PCNT: variants seen among roughly 807,000 people sequenced by gnomAD.
PCNT encodes pericentrin, also known as kendrin.
PCNT carries 319 observed loss-of-function variants against 380.4 expected under a neutral mutation model. The observed-to-expected ratio is 0.84, with a 90% CI of 0.77 to 0.92. PCNT has a LOEUF of 0.92. Among genes scored for constraint, PCNT ranks in the 40% least tolerant of loss-of-function variants. PCNT has a pLI of 0.00. For missense variants in PCNT, 4,400 were observed against 4,255.3 expected, an observed-to-expected ratio of 1.03 and a Z score of -0.95; for synonymous variants, 1,845 against 1,735.2, an observed-to-expected ratio of 1.06 and a Z score of -1.57.
In PCNT at chr21:46,425,328, A is replaced by C. The variant is rs8134832; in HGVS notation, c.7180-503A>C. Reference sequence around the variant, plus strand: ...ATGGTTTTCTCTGCTCCCCGTGCCCAGCACAGGCAGCTTCACCCCACGCTG... The same window carrying C: ...ATGGTTTTCTCTGCTCCCCGTGCCCCGCACAGGCAGCTTCACCCCACGCTG... On this transcript the variant is annotated intron_variant, in intron 32 of 46. Coordinates refer to ENST00000359568, the MANE Select transcript of PCNT (RefSeq NM_006031.6). The surrounding 1 kb of genome is among the most constrained non-coding windows in gnomAD (Gnocchi z 4.2). Among the ~76,000 whole-genome samples, 9 of 152,134 alleles carry C rather than the reference A, an allele frequency of 5.9e-5. No individual in the cohort carries two copies. The highest frequency in any genetic ancestry group is 2.2e-4 in the African/African-American group (9 of 41,406).
intron 27 of PCNT, among the ~76,000 whole-genome samples, chr21:46,403,406 C>T (rs1171172111): frequency 5.8e-5 from 8 of 138,796 alleles, no homozygotes; most frequent in African/African-American, 8.3e-5. Context: ...GCCCACGCGG[C>T]GCGTGATTGG....
At chr21:46,412,525 C>T (rs1453476305) in intron 28 of PCNT, among the ~76,000 whole-genome samples, 1 of 152,200 alleles carries the variant, frequency 6.6e-6, no homozygotes. Context: ...TGTATTTGAG[C>T]AGAACCTTGG....
chr21:46,330,177 G>A (rs984483753), intron 2 of PCNT, among the ~76,000 whole-genome samples: 1 of 152,046 alleles, frequency 6.6e-6, no homozygotes, highest in Non-Finnish European at 1.5e-5. Context: ...GAGTGCAGTG[G>A]CGCAATCATG....
Position 46,388,826 on chromosome 21 carries a change from C to G in PCNT, c.3549C>G (p.Ile1183Met). The G allele has an allele frequency of 6.2e-7, 1 of 1,612,644 alleles. No homozygotes were observed. The highest frequency in any genetic ancestry group is 8.5e-7 in the Non-Finnish European group (1 of 1,179,962). The change falls in exon 18 of 47, where the codon ATC becomes ATG. Residue 1183 changes from isoleucine to methionine, a missense_variant. Ile to Met is a conservative substitution (Grantham distance 10). Transcript: ENST00000359568. The surrounding 1 kb of genome is among the most constrained non-coding windows in gnomAD (Gnocchi z 4.2). ...CAGCCGTCACCCTGAGGAGCCGGATCGGGGAGCGCGTGGGGCTCTGCCTGG... is the reference window on the plus strand; with the variant it reads ...CAGCCGTCACCCTGAGGAGCCGGATGGGGGAGCGCGTGGGGCTCTGCCTGG... ...LRAAVTLRSR[I>M]GERVGLCLDD... is the part of the protein sequence containing the mutation.
intron 27 of PCNT, among the ~76,000 whole-genome samples, chr21:46,404,157 G>A (rs1412684809): frequency 6.6e-6 from 1 of 150,794 alleles, no homozygotes; most frequent in African/African-American, 2.4e-5. Context: ...TGGTGCCCAC[G>A]TGGCGCGTGC....
In PCNT at chr21:46,401,673, A is replaced by C. The variant is rs1254985284; in HGVS notation, c.4914A>C (p.Glu1638Asp). The C allele has an allele frequency of 1.9e-6, 3 of 1,613,966 alleles. No individual in the cohort carries two copies. The highest frequency in any genetic ancestry group is 2.5e-6 in the Non-Finnish European group (3 of 1,180,020). Residue 1638 changes from glutamate (E) to aspartate (D), a missense_variant, in exon 26 of 47, where the codon GAA (glutamate) becomes GAC (aspartate). Glu to Asp is a conservative substitution (Grantham distance 45). Coordinates refer to ENST00000359568, the MANE Select transcript of PCNT (RefSeq NM_006031.6). ...CGGGCAGCCCTCCTGAGGGTCCAGA[A>C]ATACAGTTAGAGGTGACACAGAGAG... ...PPSGSPPEGP[E>D]IQLEVTQRAL...
Position 46,431,754 on chromosome 21 carries a change from G to T in PCNT, c.8290G>T (p.Glu2764Ter). 1 of 1,612,528 alleles carries T rather than the reference G, an allele frequency of 6.2e-7. No homozygotes were observed. ...GGAGCTGTCAGAGGCCTTGCGGCAC[G>T]AGCGGCTCCTGACCGAGCAGCTGAG... ...TLELSEALRHERLLTEQLSQR... is the reference protein window; with the variant it reads ...TLELSEALRH The change falls in exon 38 of 47, where the codon GAG becomes TAG. Residue 2764 changes from glutamate (E) to a stop codon, truncating the protein, a stop_gained. Transcript: ENST00000359568. LOFTEE classifies it high-confidence loss of function.
In PCNT at chr21:46,444,812, G is replaced by T. The variant is rs771222189; in HGVS notation, c.9958G>T (p.Val3320Leu). The change falls in exon 46 of 47, where the codon GTA (valine) becomes TTA (leucine). Residue 3320 changes from valine to leucine, a missense_variant. Physicochemically the swap from Val to Leu is conservative, Grantham distance 32. Transcript: ENST00000359568. Reference sequence around the variant, plus strand: ...AGTGATCCAGCAAAGATTGGGAGGGGTACTACCAGGTAATGCAAGTCCTCG... The same window carrying T: ...AGTGATCCAGCAAAGATTGGGAGGGTTACTACCAGGTAATGCAAGTCCTCG... The part of the protein sequence containing the change: ...LEVIQQRLGG[V>L]LPDSTSKKSC... 12 of 1,613,132 alleles carry T rather than the reference G, an allele frequency of 7.4e-6. No homozygotes were observed. Among genetic ancestry groups the T allele is most frequent in the Non-Finnish European group, 1.7e-6 (2 of 1,179,216 alleles).
intron 15 of PCNT, among the ~76,000 whole-genome samples, chr21:46,368,029 C>T (rs2084988048): frequency 6.6e-6 from 1 of 152,098 alleles, no homozygotes; most frequent in Non-Finnish European, 1.5e-5. Flanking sequence ...GGGGCACGCA[C>T]CTGTAGTCTC....
chr21:46,326,057 TTAAGC>T (rs1269033088), intron 1 of PCNT, among the ~76,000 whole-genome samples: 1 of 152,210 alleles, frequency 6.6e-6, no homozygotes, highest in Non-Finnish European at 1.5e-5. Context: ...TATGCCTTGA[TTAAGC>T]TATCAATCTT....
In PCNT at chr21:46,351,496, G is replaced by A; in HGVS notation, c.1412G>A (p.Trp471Ter). 6.2e-7 allele frequency: 1 copy of A among 1,613,056 alleles called. No individual in the cohort carries two copies. Among genetic ancestry groups the A allele is most frequent in the Non-Finnish European group, 8.5e-7 (1 of 1,179,016 alleles). ...TCACAAGAAGAGATCAGGCGCTTGT[G>A]GTCCCAGCTTGATTCTGCCAGGACC... ...AQSQEEIRRL[W>*]SQLDSARTSR... The change falls in exon 9 of 47, where the codon TGG (tryptophan) becomes TAG (stop). Residue 471 changes from tryptophan (W) to a stop codon, truncating the protein, a stop_gained. Transcript: ENST00000359568. LOFTEE classifies it high-confidence loss of function.
intron 31 of PCNT, 88 bp from the exon 32 acceptor site, chr21:46,421,882 G>C: frequency 6.9e-7 from 1 of 1,458,212 alleles, no homozygotes; most frequent in Non-Finnish European, 9.5e-7. Flanking sequence ...ACTGCGGGCC[G>C]ATCACCCCTG....
chr21:46,398,353 C>A, intron 24 of PCNT, 98 bp downstream of exon 24: 2 of 1,258,124 alleles, frequency 1.6e-6, no homozygotes, highest in South Asian at 1.3e-5. Context: ...TTTTCTTGCT[C>A]TTGTTTGGGC....
At chr21:46,428,767 G>A (rs1790436850) in intron 35 of PCNT, among the ~76,000 whole-genome samples, 177 bp downstream of exon 35, 1 of 152,370 alleles carries the variant, frequency 6.6e-6, no homozygotes, top group South Asian at 2.1e-4. Context: ...GAGACAGGCA[G>A]CGCTGGGTGG....
chr21:46,342,536 T>C (rs532983321), intron 3 of PCNT, among the ~76,000 whole-genome samples: 6 of 147,774 alleles, frequency 4.1e-5, no homozygotes, highest in African/African-American at 1.5e-4. Context: ...AATTCTTTCT[T>C]TTTTTTTTTT....
At chr21:46,394,960 ACCCTGCCCCAGTGC>A (rs2086159044) in intron 21 of PCNT, among the ~76,000 whole-genome samples, 1 of 152,186 alleles carries the variant, frequency 6.6e-6, no homozygotes, top group Non-Finnish European at 1.5e-5. Context: ...GTCAGCAGGC[ACCCTGCCCCAGTGC>A]CCCTGGCCCT....
intron 21 of PCNT, among the ~76,000 whole-genome samples, chr21:46,395,411 A>G (rs2086174443): frequency 6.6e-6 from 1 of 151,682 alleles, no homozygotes; most frequent in Admixed American, 6.6e-5. Flanking sequence ...AGCAGCAGAG[A>G]CTCCATCTCA....
chr21:46,357,866 G>C (rs1189277643), intron 13 of PCNT, among the ~76,000 whole-genome samples: 3 of 152,234 alleles, frequency 2.0e-5, no homozygotes, highest in Non-Finnish European at 4.4e-5. Flanking sequence ...CGTTCCCCAG[G>C]CTCTTCCTGT....
intron 15 of PCNT, among the ~76,000 whole-genome samples, chr21:46,371,944 A>T (rs1179682109): frequency 6.6e-5 from 10 of 150,606 alleles, no homozygotes; most frequent in Admixed American, 6.6e-4. Flanking sequence ...CTCACACAGC[A>T]TGTGCGCACA....
Sources: gnomAD v4.1 joint callset for allele counts (sites outside exome capture counted in the v4.1 genomes callset) on GRCh38, gnomAD v4.1.1 for gene constraint, Gnocchi (gnomAD v3.1) non-coding constraint, MANE v1.5 for transcripts, NCBI Gene and HGNC (gene_info 2026-07-23, HGNC 2026-07-21) for gene names.